The following EFHD2 variants were observed in gnomAD, a reference collection of about 807,000 sequenced individuals.
The protein encoded by EFHD2 is EF-hand domain-containing protein D2.
In EFHD2, 12 loss-of-function variants were observed where a neutral mutation model predicts 20.3. The ratio of observed to expected loss-of-function variants is 0.59; its 90% CI spans 0.38 to 0.96. The LOEUF (loss-of-function observed/expected upper bound fraction) is 0.96. EFHD2 is among the 40% of genes least tolerant of loss of function. The pLI, the probability that EFHD2 is intolerant of heterozygous loss-of-function variation, is 0.00. For synonymous variants in EFHD2, 131 were observed against 143.9 expected (o/e 0.91, Z 0.64); for missense variants, 250 against 334.3 (o/e 0.75, Z 1.97).
chr1:15,423,808 A>C (rs1707830498), intron 1 of EFHD2, among the ~76,000 whole-genome samples: 1 of 152,184 alleles, frequency 6.6e-6, no homozygotes, highest in Non-Finnish European at 1.5e-5. Context: ...TCTGGAACAC[A>C]TCCACCTGTG....
At chr1:15,418,441 G>A (rs1707721549) in intron 1 of EFHD2, among the ~76,000 whole-genome samples, 1 of 151,222 alleles carries the variant, frequency 6.6e-6, no homozygotes, top group African/African-American at 2.4e-5. Flanking sequence ...GAGTAGCTGG[G>A]ACTACAGGCG....
chr1:15,415,850 C>A (rs1707659574), intron 1 of EFHD2, among the ~76,000 whole-genome samples: 1 of 152,100 alleles, frequency 6.6e-6, no homozygotes, highest in Non-Finnish European at 1.5e-5. Flanking sequence ...AGGCGATTGT[C>A]ACTTGTCTAA....
intron 1 of EFHD2, among the ~76,000 whole-genome samples, chr1:15,420,450 T>C (rs999641630): frequency 6.6e-6 from 1 of 152,180 alleles, no homozygotes; most frequent in Non-Finnish European, 1.5e-5. Flanking sequence ...AAAGTGATCC[T>C]CCCACCACAG....
intron 1 of EFHD2, among the ~76,000 whole-genome samples, chr1:15,412,199 C>T (rs1297157775): frequency 6.6e-6 from 1 of 151,864 alleles, no homozygotes; most frequent in East Asian, 2.0e-4. Context: ...TTCCAGGATT[C>T]CTGGAAGAGT....
intron 1 of EFHD2, among the ~76,000 whole-genome samples, chr1:15,416,322 G>A (rs1707669335): frequency 1.3e-5 from 2 of 152,154 alleles, no homozygotes; most frequent in Non-Finnish European, 2.9e-5. Flanking sequence ...TTTCCTCAAG[G>A]CCAGCCCTGC....
chr1:15,424,667 T>A (rs1163125295), intron 1 of EFHD2, among the ~76,000 whole-genome samples: 1 of 152,198 alleles, frequency 6.6e-6, no homozygotes, highest in Non-Finnish European at 1.5e-5. Context: ...CCCGTCCTGC[T>A]CTGTGCCCTC....
intron 1 of EFHD2, among the ~76,000 whole-genome samples, chr1:15,419,813 C>T (rs1707757760): frequency 1.3e-5 from 2 of 152,154 alleles, no homozygotes; most frequent in Admixed American, 1.3e-4. Flanking sequence ...TCGTTCTCTC[C>T]TGTGCTGCCA....
At chr1:15,422,055 C>A in intron 1 of EFHD2, among the ~76,000 whole-genome samples, 1 of 150,230 alleles carries the variant, frequency 6.7e-6, no homozygotes, top group South Asian at 2.1e-4. Context: ...TCAGCCTCAG[C>A]TCCACTGGCA....
At chr1:15,412,056 G>C (rs539828186) in intron 1 of EFHD2, among the ~76,000 whole-genome samples, 1 of 152,144 alleles carries the variant, frequency 6.6e-6, no homozygotes, top group African/African-American at 2.4e-5. Flanking sequence ...GAACCTCTTT[G>C]AGAAAGTCCC....
rs1707430168 is a variant in EFHD2, at chr1:15,409,963, C to G, written c.-9C>G. On this transcript the variant is annotated 5_prime_UTR_variant, in exon 1 of 4. Transcript: ENST00000375980. ...GGGCCCGGCCAAGGCGAGTGCCGCG[C>G]GGGCCACCATGGCCACGGACGAGCT... 3 of 1,234,208 alleles carry G rather than the reference C, an allele frequency of 2.4e-6. No homozygotes were observed. The highest frequency in any genetic ancestry group is 3.0e-6 in the Non-Finnish European group (3 of 992,162). The allele number at this position is 1,234,208 out of a possible 1,614,324, so 76.5% of individuals were successfully genotyped here.
At chr1:15,410,453 C>T (rs1325103933) in intron 1 of EFHD2, among the ~76,000 whole-genome samples, 174 bp downstream of exon 1, 1 of 151,998 alleles carries the variant, frequency 6.6e-6, no homozygotes, top group Admixed American at 6.5e-5. Context: ...CGAGACCCGG[C>T]ATCTCACCGC....
chr1:15,413,799 G>A lies in EFHD2; in HGVS notation c.308+3520G>A, dbSNP rs1484943760. On this transcript the variant is annotated intron_variant, in intron 1 of 3. Transcript: ENST00000375980. This position sits in a 1 kb window ranked among gnomAD's most constrained non-coding sequence, Gnocchi z 4.4. The stretch of plus-strand genomic sequence containing the variant: ...CGGTGTCTCAGGGTGGGGCTCCGAG[G>A]ACATGACACACTTAGAGTTCTGGGC... Among the ~76,000 whole-genome samples, 1 of 152,188 alleles carries A rather than the reference G, an allele frequency of 6.6e-6. No homozygotes were observed. Among genetic ancestry groups the A allele is most frequent in the Non-Finnish European group, 1.5e-5 (1 of 68,020 alleles).
chr1:15,419,182 C>T (rs76884840), intron 1 of EFHD2, among the ~76,000 whole-genome samples: 1 of 152,204 alleles, frequency 6.6e-6, no homozygotes, highest in Admixed American at 6.5e-5. Flanking sequence ...ACCATGCTCA[C>T]CCCAAAGGGA....
intron 2 of EFHD2, 108 bp from the exon 3 acceptor site, chr1:15,427,042 T>C (rs2103280633): frequency 6.9e-7 from 1 of 1,439,852 alleles, no homozygotes; most frequent in Non-Finnish European, 9.4e-7. Flanking sequence ...TGCCCCCCAG[T>C]CCTTCTCTGC....
In EFHD2 at chr1:15,430,071, C is replaced by G. The variant is rs968568849; in HGVS notation, c.*1347C>G. ...GAGTCCTGGAAGCTACGCGGACTTG[C>G]AGAGGTTTTATTTTTTGGCCTTAGA... On this transcript the variant is annotated 3_prime_UTR_variant, in exon 4 of 4. Transcript: ENST00000375980. The G allele has an allele frequency of 2.6e-5, 4 of 152,648 alleles. No homozygotes were observed. Among genetic ancestry groups the G allele is most frequent in the African/African-American group, 9.6e-5 (4 of 41,458 alleles). 9.5% of individuals were successfully genotyped at this position (152,648 alleles called of 1,614,324 possible). A position where few individuals can be genotyped will look rare whatever the true frequency, so the allele number is the denominator to read the frequency against.
At chr1:15,411,578 TCCCCCTGC>T (rs1389747174) in intron 1 of EFHD2, among the ~76,000 whole-genome samples, 1 of 152,010 alleles carries the variant, frequency 6.6e-6, no homozygotes, top group Non-Finnish European at 1.5e-5. Flanking sequence ...CTGTTCCCTG[TCCCCCTGC>T]CCCTGGCTCC....
rs570932515 is a variant in EFHD2, at chr1:15,427,155, C to T, written c.462C>T (p.Leu154=). ...FDSKLSFREF[L]LIFRKAAAGE... is the part of the protein sequence containing the mutation. ...CGCCTCCCTCCCCGCTGCAGTTCCT[C>T]CTGATCTTCCGCAAGGCGGCGGCCG... Residue 154 remains leucine, a synonymous_variant, in exon 3 of 4, where the codon CTC becomes CTT. Transcript: ENST00000375980. The T allele has an allele frequency of 6.2e-7, 1 of 1,612,548 alleles. No individual in the cohort carries two copies. Among genetic ancestry groups the T allele is most frequent in the Admixed American group, 1.7e-5 (1 of 59,886 alleles).
At chr1:15,418,497 G>T (rs558101749) in intron 1 of EFHD2, among the ~76,000 whole-genome samples, 1 of 151,226 alleles carries the variant, frequency 6.6e-6, no homozygotes, top group Non-Finnish European at 1.5e-5. Context: ...AGTAGAGACG[G>T]GGTTTCACCG....
chr1:15,418,766 C>T (rs181083645), intron 1 of EFHD2, among the ~76,000 whole-genome samples: 3 of 152,308 alleles, frequency 2.0e-5, no homozygotes, highest in South Asian at 2.1e-4. Context: ...CTCCCAACCC[C>T]GAAGTTCTCT....
Sources: gnomAD v4.1 joint callset for allele counts (sites outside exome capture counted in the v4.1 genomes callset) on GRCh38, gnomAD v4.1.1 for gene constraint, Gnocchi (gnomAD v3.1) non-coding constraint, MANE v1.5 for transcripts, NCBI Gene and HGNC (gene_info 2026-07-23, HGNC 2026-07-21) for gene names.